PCYT1B: variants seen among roughly 807,000 people sequenced by gnomAD.
PCYT1B encodes the protein phosphate cytidylyltransferase 1B, choline, also known as choline-phosphate cytidylyltransferase B.
In PCYT1B, 10 loss-of-function variants were observed where a neutral mutation model predicts 26.4. That is an observed-to-expected ratio of 0.38 (90% CI 0.23 to 0.64). PCYT1B has a LOEUF of 0.64. Among genes scored for constraint, PCYT1B ranks in the 30% least tolerant of loss-of-function variants. PCYT1B has a pLI of 0.56. For missense variants in PCYT1B, 161 were observed against 292.7 expected, an observed-to-expected ratio of 0.55 and a Z score of 3.28; for synonymous variants, 131 against 108.4, an observed-to-expected ratio of 1.21 and a Z score of -1.29.
chrX:24,570,406 A>G (rs1323577381), intron 7 of PCYT1B, among the ~76,000 whole-genome samples: 1 of 106,870 alleles, frequency 9.4e-6, no homozygotes, highest in Non-Finnish European at 1.9e-5. Flanking sequence ...GCCGTGTACC[A>G]CCATGCCTGG....
At chrX:24,657,729 T>C (rs1926951997) in intron 1 of PCYT1B, among the ~76,000 whole-genome samples, 1 of 112,053 alleles carries the variant, frequency 8.9e-6, no homozygotes, top group Non-Finnish European at 1.9e-5. Context: ...TGTACTGCTG[T>C]CTCCCTTCAG....
intron 1 of PCYT1B, chrX:24,621,926 T>C (rs1925712408): frequency 5.0e-6 from 2 of 397,691 alleles, no homozygotes; most frequent in Non-Finnish European, 6.4e-6. Context: ...AAAGCAACAA[T>C]AGTTACTCAA....
chrX:24,623,399 A>AT (rs1925767270), intron 1 of PCYT1B, among the ~76,000 whole-genome samples: 30 of 91,518 alleles, frequency 3.3e-4, no homozygotes, highest in African/African-American at 7.9e-4. Context: ...ATATATATAT[A>AT]ACTTTAAATT....
chrX:24,612,424 C>G (rs1193749378), intron 2 of PCYT1B, among the ~76,000 whole-genome samples: 1 of 111,964 alleles, frequency 8.9e-6, no homozygotes, highest in Non-Finnish European at 1.9e-5. Flanking sequence ...AAAGAACTCT[C>G]AAACCTCAGT....
chrX:24,651,608 C>G (rs1184577295), upstream of PCYT1B, among the ~76,000 whole-genome samples: 1 of 99,631 alleles, frequency 1.0e-5, no homozygotes, highest in Non-Finnish European at 2.0e-5. Flanking sequence ...ACAGCAGCCT[C>G]GACCTCCCAG....
chrX:24,615,176 T>C (rs1325286258), intron 2 of PCYT1B, among the ~76,000 whole-genome samples: 1 of 111,977 alleles, frequency 8.9e-6, no homozygotes, highest in Non-Finnish European at 1.9e-5. Context: ...GGCTAGGTAC[T>C]CATCAACATC....
chrX:24,572,250 A>G (rs1173190986), intron 7 of PCYT1B, among the ~76,000 whole-genome samples: 3 of 85,439 alleles, frequency 3.5e-5, no homozygotes, highest in Non-Finnish European at 7.1e-5. Context: ...ATCTGTCTAC[A>G]TACACACACG....
chrX:24,669,098 G>A (rs1927183680), intron 1 of PCYT1B, among the ~76,000 whole-genome samples: 1 of 112,090 alleles, frequency 8.9e-6, no homozygotes, highest in African/African-American at 3.2e-5. Flanking sequence ...AACATATTTT[G>A]AGGACATGCC....
At chrX:24,632,560 C>A in intron 1 of PCYT1B, 1 of 129,949 alleles carries the variant, frequency 7.7e-6, no homozygotes, top group South Asian at 2.6e-4. Flanking sequence ...CACTGTGTCT[C>A]ACAACACCAA....
At chrX:24,593,288 C>T (rs1408092419) in intron 3 of PCYT1B, among the ~76,000 whole-genome samples, 1 of 110,452 alleles carries the variant, frequency 9.1e-6, no homozygotes, top group Non-Finnish European at 1.9e-5. Flanking sequence ...TTATTATTTA[C>T]AATAATAGAT....
chrX:24,658,143 G>A (rs750323067), intron 1 of PCYT1B: 1 of 111,925 alleles, frequency 8.9e-6, no homozygotes, highest in East Asian at 2.8e-4. Flanking sequence ...TGAGTCATCA[G>A]GACCATCTGA....
At chrX:24,670,133 G>A (rs1466462958) in intron 1 of PCYT1B, among the ~76,000 whole-genome samples, 3 of 106,517 alleles carry the variant, frequency 2.8e-5, no homozygotes, top group African/African-American at 1.0e-4. Context: ...AGGAAGGAAG[G>A]AAGGAAGGAA....
intron 1 of PCYT1B, among the ~76,000 whole-genome samples, chrX:24,668,023 A>G (rs1927162496): frequency 8.9e-6 from 1 of 112,454 alleles, no homozygotes. Flanking sequence ...TATATGTCAT[A>G]GACCAGTCCC....
intron 7 of PCYT1B, among the ~76,000 whole-genome samples, chrX:24,565,216 T>C (rs975504457): frequency 3.6e-5 from 4 of 111,156 alleles, no homozygotes; most frequent in African/African-American, 1.3e-4. Flanking sequence ...GGTCTTTCAA[T>C]TGCTCACATT....
At chrX:24,648,449 A>ATTTTTTTTTTTTTTTTTTTTTT (rs57744798), upstream of PCYT1B, among the ~76,000 whole-genome samples, 18 of 39,723 alleles carry the variant, frequency 4.5e-4, 6 homozygotes, top group African/African-American at 2.4e-3. Flanking sequence ...ATTTGAAGGA[A>ATTTTTTTTTTTTTTTTTTTTTT]TTTTTTTTTT....
chrX:24,605,925 G>A (rs766910255), intron 3 of PCYT1B, among the ~76,000 whole-genome samples: 6 of 108,638 alleles, frequency 5.5e-5, no homozygotes, highest in South Asian at 8.1e-4. Context: ...ATGGTGGCAC[G>A]CGCCTATAAT....
At position 24,562,356 on chromosome X, in the gene PCYT1B, G is replaced by A; in HGVS notation, c.1047C>T (p.Ser349=). 2 of 1,174,726 alleles carry A rather than the reference G, an allele frequency of 1.7e-6. No individual in the cohort carries two copies. Among genetic ancestry groups the A allele is most frequent in the Non-Finnish European group, 2.3e-6 (2 of 878,145 alleles). ...TAGAGGCTGAGGCTGCTTTGGGTGA[G>A]GAAGGGGGTGAGGTTTTGAGTGGAA... ...SWLPLKTSPP[S]SPKAASASIS... is the part of the protein sequence containing the mutation. The change falls in exon 8 of 8, where the codon TCC becomes TCT. Residue 349 remains serine (S), a synonymous_variant. Coordinates refer to ENST00000379144, the MANE Select transcript of PCYT1B (RefSeq NM_004845.5).
At position 24,569,835 on chromosome X, in the gene PCYT1B, G is replaced by A. The variant is rs924366320; in HGVS notation, c.897+5295C>T. On this transcript the variant is annotated intron_variant, in intron 7 of 7. Coordinates refer to ENST00000379144, the MANE Select transcript of PCYT1B (RefSeq NM_004845.5). ...AGTTCTGGAGATGGATGGTGGTGAT[G>A]GTTGCAGGACAATGTGAATGCAACC... 8.1e-5 allele frequency among the ~76,000 whole-genome samples: 9 copies of A among 111,715 alleles called. No individual in the cohort carries two copies. The South Asian group carries it at 1.1e-3, about 14-fold the overall frequency.
rs1353841428 is a variant in PCYT1B, at chrX:24,660,346, CTA to C, written c.63+12222_63+12223del. ...CTCCAAAAGCAATCATTTTAAACAC[CTA>C]GTCTACTAAAATGCCAGATGAGAGG... On this transcript the variant is annotated intron_variant, in intron 1 of 7. Coordinates refer to the PCYT1B transcript ENST00000379145. Among the ~76,000 whole-genome samples, 3 of 112,028 alleles carry C rather than the reference CTA, an allele frequency of 2.7e-5. No individual in the cohort carries two copies. In the East Asian group the frequency reaches 8.4e-4, roughly 31 times the overall value.
Sources: allele counts gnomAD v4.1 joint callset (sites outside exome capture counted in the v4.1 genomes callset), GRCh38; gene constraint gnomAD v4.1.1; transcripts MANE v1.5; gene names NCBI Gene and HGNC (gene_info 2026-07-23, HGNC 2026-07-21).